POT1: variants seen among roughly 807,000 people sequenced by gnomAD.
POT1 encodes the protein protection of telomeres 1.
A neutral mutation model predicts 78.5 loss-of-function variants in POT1; 47 were observed. The ratio of observed to expected loss-of-function variants is 0.60; its 90% CI spans 0.47 to 0.76. The LOEUF is 0.76. Among genes scored for constraint, POT1 ranks in the 30% least tolerant of loss-of-function variants. The probability of loss-of-function intolerance (pLI) is 0.00; values close to 1 mark genes in which losing one functional copy is unlikely to be tolerated. For missense variants in POT1, 646 were observed against 749.9 expected, an observed-to-expected ratio of 0.86 and a Z score of 1.62; for synonymous variants, 259 against 260.7, an observed-to-expected ratio of 0.99 and a Z score of 0.06.
At chr7:124,921,277 T>C (rs1015060693) in intron 2 of POT1, among the ~76,000 whole-genome samples, 5 of 152,112 alleles carry the variant, frequency 3.3e-5, no homozygotes, top group Non-Finnish European at 5.9e-5. Flanking sequence ...GTATTAATGA[T>C]ATGTCAAAAA....
At chr7:124,859,355 T>G (rs144365915) in intron 8 of POT1, among the ~76,000 whole-genome samples, 3 of 152,240 alleles carry the variant, frequency 2.0e-5, no homozygotes, top group African/African-American at 7.2e-5. Flanking sequence ...AGACTAAATA[T>G]TCCTGAGTCA....
intron 14 of POT1, among the ~76,000 whole-genome samples, chr7:124,836,642 A>G (rs1267737623): frequency 6.6e-6 from 1 of 152,196 alleles, no homozygotes; most frequent in Non-Finnish European, 1.5e-5. Context: ...CACACTGGCC[A>G]GTCACACGAG....
chr7:124,888,572 C>T lies in POT1; in HGVS notation c.124+3694G>A, dbSNP rs1199502108. ...AGTAGTATGACCATGTTAATAAAGGCATAACTCATGTAATTGTACTTTACT... is the reference window on the plus strand; with the variant it reads ...AGTAGTATGACCATGTTAATAAAGGTATAACTCATGTAATTGTACTTTACT... On this transcript the variant is annotated intron_variant, in intron 6 of 18. Coordinates refer to ENST00000357628, the MANE Select transcript of POT1 (RefSeq NM_015450.3). Among the ~76,000 whole-genome samples, 24 of 152,118 alleles carry T rather than the reference C, an allele frequency of 1.6e-4. No individual in the cohort carries two copies. In the South Asian group the frequency reaches 4.1e-3, roughly 26 times the overall value.
chr7:124,892,467 G>A, intron 5 of POT1, 87 bp from the exon 6 acceptor site: 1 of 668,608 alleles, frequency 1.5e-6, no homozygotes. Flanking sequence ...GCAAATCCAT[G>A]TAACTATTTT....
At chr7:124,899,407 G>A (rs532056358) in intron 3 of POT1, among the ~76,000 whole-genome samples, 1 of 152,164 alleles carries the variant, frequency 6.6e-6, no homozygotes, top group Admixed American at 6.6e-5. Flanking sequence ...CTGAGTGTAT[G>A]CTGATAATGC....
rs546122998 is a variant in POT1 at position 124,902,430 on chromosome 7, T to A, written c.-153-4056A>T. Reference sequence around the variant, plus strand: ...ATTTCATATCCAGCCAAACTAAGCTTCTTAAGTGAAGGAGAAATAAAATCC... The same window carrying A: ...ATTTCATATCCAGCCAAACTAAGCTACTTAAGTGAAGGAGAAATAAAATCC... On this transcript the variant is annotated intron_variant, in intron 3 of 18. Transcript: ENST00000357628. Among the ~76,000 whole-genome samples the A allele has an allele frequency of 4.6e-4, 70 of 152,284 alleles. 1 individual carries two copies. The highest frequency in any genetic ancestry group is 1.6e-3 in the African/African-American group (68 of 41,546).
chr7:124,914,136 GAAA>G (rs35946307), intron 3 of POT1, among the ~76,000 whole-genome samples: 48 of 111,184 alleles, frequency 4.3e-4, no homozygotes, highest in African/African-American at 1.5e-3. Context: ...CTCTGTCTCA[GAAA>G]AAAAAAAAAA....
chr7:124,828,251 G>T (rs1250396854), intron 16 of POT1, among the ~76,000 whole-genome samples: 1 of 151,802 alleles, frequency 6.6e-6, no homozygotes, highest in Middle Eastern at 3.4e-3. Flanking sequence ...CTTTAAAAAA[G>T]AAAAAAGGGA....
In POT1 at chr7:124,897,924, TAA is replaced by T. The variant is rs989763627; in HGVS notation, c.-40+335_-40+336del. 3.3e-5 allele frequency among the ~76,000 whole-genome samples: 5 copies of T among 151,906 alleles called. No individual in the cohort carries two copies. In the South Asian group the frequency reaches 1.0e-3, roughly 31 times the overall value. ...GGAGAAGGAAAAAATCCGTTTTACC[TAA>T]AGAGGGGTAGTTGATTAATTTAAAG... On this transcript the variant is annotated intron_variant, in intron 4 of 18. Transcript: ENST00000357628.
chr7:124,824,141 A>T, intron 18 of POT1, 67 bp from the exon 19 acceptor site: 2 of 882,878 alleles, frequency 2.3e-6, no homozygotes. Context: ...TGAAATAGGT[A>T]CCTAAGCTTA....
chr7:124,909,102 G>A (rs895813734), intron 3 of POT1, among the ~76,000 whole-genome samples: 3 of 151,564 alleles, frequency 2.0e-5, no homozygotes, highest in Admixed American at 6.6e-5. Context: ...GGAGAAAAAA[G>A]GTATTAATAA....
At chr7:124,826,526 CT>C (rs1313760029) in intron 17 of POT1, among the ~76,000 whole-genome samples, 1 of 152,152 alleles carries the variant, frequency 6.6e-6, no homozygotes, top group Non-Finnish European at 1.5e-5. Context: ...TAATATCTAT[CT>C]TCCCTGTTAA....
At chr7:124,924,270 A>G (rs1420232562) in intron 2 of POT1, among the ~76,000 whole-genome samples, 1 of 151,844 alleles carries the variant, frequency 6.6e-6, no homozygotes, top group Non-Finnish European at 1.5e-5. Context: ...AAAGATCCAA[A>G]TAAAATCAGA....
intron 11 of POT1, among the ~76,000 whole-genome samples, chr7:124,847,322 C>G (rs775225773): frequency 2.0e-5 from 3 of 152,136 alleles, no homozygotes; most frequent in Non-Finnish European, 4.4e-5. Flanking sequence ...TGGTGAAACC[C>G]CATCTCTACT....
chr7:124,833,266 A>G (rs1160480709), intron 15 of POT1, among the ~76,000 whole-genome samples: 1 of 152,186 alleles, frequency 6.6e-6, no homozygotes, highest in African/African-American at 2.4e-5. Flanking sequence ...TTGGAAGGAC[A>G]GAGGGCAATG....
intron 6 of POT1, among the ~76,000 whole-genome samples, chr7:124,890,888 T>G: frequency 6.6e-6 from 1 of 151,880 alleles, no homozygotes; most frequent in East Asian, 1.9e-4. Context: ...AGAAAAGATC[T>G]TGCTATTTTA....
At chr7:124,877,763 G>A (rs988569100) in intron 6 of POT1, among the ~76,000 whole-genome samples, 1 of 148,378 alleles carries the variant, frequency 6.7e-6, no homozygotes, top group Non-Finnish European at 1.5e-5. Flanking sequence ...AACCCGGGAG[G>A]CAGAGCTTGC....
At position 124,827,223 on chromosome 7, in the gene POT1, G is replaced by C. The variant is rs988850329; in HGVS notation, c.1677C>G (p.Leu559=). ...TACCTCTGATACTTACAGAATCCAT[G>C]AGATAGGCTTCTAGTACTCCTGTTC... The part of the protein sequence containing the change: ...DDGTGVLEAY[L]MDSDKFFQIP... Residue 559 remains leucine, a synonymous_variant, in exon 17 of 19, where the codon CTC becomes CTG. Transcript: ENST00000357628. The C allele has an allele frequency of 6.6e-7, 1 of 1,522,288 alleles. No individual in the cohort carries two copies. The highest frequency in any genetic ancestry group is 1.4e-5 in the African/African-American group (1 of 72,224). 94.3% of individuals were successfully genotyped at this position (1,522,288 alleles called of 1,614,324 possible).
chr7:124,928,501 T>C (rs901151756), intron 2 of POT1, among the ~76,000 whole-genome samples: 2 of 152,178 alleles, frequency 1.3e-5, no homozygotes, highest in African/African-American at 2.4e-5. Context: ...AATGCTAATA[T>C]CACACCTATT....
Sources: gnomAD v4.1 joint callset for allele counts (sites outside exome capture counted in the v4.1 genomes callset) on GRCh38, gnomAD v4.1.1 for gene constraint, MANE v1.5 for transcripts, NCBI Gene and HGNC (gene_info 2026-07-23, HGNC 2026-07-21) for gene names.